The following MED13L variants were observed in gnomAD, a reference collection of about 807,000 sequenced individuals.
MED13L encodes the protein mediator complex subunit 13L, also known as mediator of RNA polymerase II transcription subunit 13-like.
In MED13L, 7 loss-of-function variants were observed where a neutral mutation model predicts 220.9. That is an observed-to-expected ratio of 0.03 (90% CI 0.02 to 0.06). The LOEUF is 0.06. MED13L is among the 10% of genes least tolerant of loss of function. The pLI is 1.00. For synonymous variants in MED13L, 1,011 were observed against 1,015.2 expected (o/e 1.00, Z 0.08); for missense variants, 1,965 against 2,760.5 (o/e 0.71, Z 6.46).
At chr12:116,085,645 TA>T (rs955914007) in intron 4 of MED13L, among the ~76,000 whole-genome samples, 6 of 152,034 alleles carry the variant, frequency 3.9e-5, no homozygotes, top group Non-Finnish European at 1.5e-5. Flanking sequence ...CACTGGAAAC[TA>T]AAATAAATGA....
At chr12:116,145,792 G>A (rs181459789) in intron 2 of MED13L, among the ~76,000 whole-genome samples, 124 of 151,538 alleles carry the variant, frequency 8.2e-4, no homozygotes, top group Middle Eastern at 3.4e-3. Context: ...CTCCCCAAGC[G>A]CTGGAACTAA....
intron 23 of MED13L, 187 bp downstream of exon 23, chr12:115,980,563 A>G: frequency 1.5e-6 from 1 of 665,268 alleles, no homozygotes; most frequent in Non-Finnish European, 2.7e-6. Flanking sequence ...GGCTTAAGCA[A>G]TCCTTCCACC....
chr12:116,275,759 G>A (rs1339693195), intron 1 of MED13L, among the ~76,000 whole-genome samples: 2 of 152,000 alleles, frequency 1.3e-5, no homozygotes, highest in African/African-American at 4.8e-5. Context: ...AAAAAAACAG[G>A]GTACACAACT....
chr12:116,006,663 G>A, intron 11 of MED13L: 1 of 540,336 alleles, frequency 1.9e-6, no homozygotes, highest in Non-Finnish European at 3.3e-6. Flanking sequence ...TGCCTAAGCA[G>A]TACTGGTGGC....
intron 2 of MED13L, among the ~76,000 whole-genome samples, chr12:116,138,878 A>G (rs1401978054): frequency 6.6e-6 from 1 of 152,216 alleles, no homozygotes; most frequent in African/African-American, 2.4e-5. Context: ...ATTTAAGATG[A>G]AAGGGAAGAA....
At chr12:116,045,808 AATT>A (rs920625646) in intron 4 of MED13L, among the ~76,000 whole-genome samples, 2 of 152,100 alleles carry the variant, frequency 1.3e-5, no homozygotes, top group African/African-American at 4.8e-5. Flanking sequence ...ATGCAATAAA[AATT>A]ATTAAGTCAC....
intron 2 of MED13L, among the ~76,000 whole-genome samples, chr12:116,122,518 TAACAA>T (rs1383759083): frequency 6.6e-6 from 1 of 152,214 alleles, no homozygotes; most frequent in Non-Finnish European, 1.5e-5. Context: ...CAGTATCACT[TAACAA>T]ATCTATGTTG....
chr12:116,253,751 T>TCG (rs1871782057), intron 1 of MED13L, among the ~76,000 whole-genome samples: 4 of 145,008 alleles, frequency 2.8e-5, no homozygotes, highest in African/African-American at 1.1e-4. Flanking sequence ...ACGGTTTTTT[T>TCG]TGTTTTTTTT....
At chr12:115,992,645 G>A (rs1878141394) in intron 16 of MED13L, among the ~76,000 whole-genome samples, 5 of 152,156 alleles carry the variant, frequency 3.3e-5, no homozygotes. Flanking sequence ...GCGGCTAAGA[G>A]GCCTCAGTAT....
chr12:116,219,770 G>GT (rs1491272021), intron 2 of MED13L, among the ~76,000 whole-genome samples: 2 of 152,062 alleles, frequency 1.3e-5, no homozygotes, highest in African/African-American at 4.8e-5. Flanking sequence ...TCTTACCAAA[G>GT]TAAGTTCAAC....
intron 1 of MED13L, among the ~76,000 whole-genome samples, chr12:116,257,229 CTATAAACAGAA>C (rs1166890383): frequency 1.3e-5 from 2 of 152,210 alleles, no homozygotes; most frequent in Admixed American, 1.3e-4. Flanking sequence ...CAGTAACAGA[CTATAAACAGAA>C]ACGTATATTA....
intron 4 of MED13L, among the ~76,000 whole-genome samples, chr12:116,032,411 G>A (rs1880909614): frequency 6.6e-6 from 1 of 152,056 alleles, no homozygotes; most frequent in Admixed American, 6.6e-5. Context: ...AGAGGCCAAT[G>A]GAACAGAACA....
intron 23 of MED13L, among the ~76,000 whole-genome samples, chr12:115,978,622 C>A (rs959816127): frequency 2.6e-5 from 4 of 152,040 alleles, no homozygotes; most frequent in Admixed American, 2.6e-4. Flanking sequence ...CCACCGCGCC[C>A]GGCCTGAACT....
At chr12:116,216,966 G>A (rs561000286) in intron 2 of MED13L, among the ~76,000 whole-genome samples, 1 of 152,168 alleles carries the variant, frequency 6.6e-6, no homozygotes, top group South Asian at 2.1e-4. Context: ...GCAAAAATCT[G>A]TTGTCCTCAA....
At chr12:116,137,350 T>C (rs1346915400) in intron 2 of MED13L, among the ~76,000 whole-genome samples, 2 of 152,186 alleles carry the variant, frequency 1.3e-5, no homozygotes, top group Admixed American at 1.3e-4. Context: ...AATACTCTTA[T>C]GAGGTAGACA....
chr12:116,254,682 G>A (rs1232635480), intron 1 of MED13L, among the ~76,000 whole-genome samples: 1 of 151,520 alleles, frequency 6.6e-6, no homozygotes, highest in Non-Finnish European at 1.5e-5. Context: ...GCTTGAACTA[G>A]AGAGGCGGAG....
chr12:115,982,272 G>A, intron 22 of MED13L, 112 bp downstream of exon 22: 1 of 1,125,866 alleles, frequency 8.9e-7, no homozygotes, highest in Admixed American at 2.1e-5. Flanking sequence ...TTTGGTTAGG[G>A]GATAATTAAC....
chr12:115,969,408 A>G (rs1876419563), intron 27 of MED13L, among the ~76,000 whole-genome samples: 1 of 152,238 alleles, frequency 6.6e-6, no homozygotes, highest in South Asian at 2.1e-4. Context: ...GAGCTAAAGC[A>G]ACAATTTAAT....
chr12:116,135,194 A>C (rs1156589450), intron 2 of MED13L, among the ~76,000 whole-genome samples: 1 of 152,168 alleles, frequency 6.6e-6, no homozygotes, highest in Non-Finnish European at 1.5e-5. Flanking sequence ...CAAAAAAGCA[A>C]GTGACAACAC....
Sources: allele counts gnomAD v4.1 joint callset (sites outside exome capture counted in the v4.1 genomes callset), GRCh38; gene constraint gnomAD v4.1.1; transcripts MANE v1.5; gene names NCBI Gene and HGNC (gene_info 2026-07-23, HGNC 2026-07-21).